The following PMVK variants were observed in gnomAD, a reference collection of about 807,000 sequenced individuals.
PMVK encodes the protein phosphomevalonate kinase.
PMVK carries 10 observed loss-of-function variants against 19.0 expected under a neutral mutation model. That is an observed-to-expected ratio of 0.53 (90% CI 0.32 to 0.89). PMVK has a LOEUF of 0.89. PMVK is among the 40% of genes least tolerant of loss of function. The pLI, the probability that PMVK is intolerant of heterozygous loss-of-function variation, is 0.03. For missense variants in PMVK, 222 were observed against 251.1 expected (o/e 0.88, Z 0.78); for synonymous variants, 108 against 101.6 (o/e 1.06, Z -0.38).
At chr1:154,942,165 C>G in the PMVK span, among the ~76,000 whole-genome samples, 1 of 152,144 alleles carries the variant, frequency 6.6e-6, no homozygotes, top group Non-Finnish European at 1.5e-5. Flanking sequence ...GAGCTCCCAG[C>G]GGAAAAGGCA....
upstream of PMVK, among the ~76,000 whole-genome samples, chr1:154,939,290 C>T (rs1654592107): frequency 1.3e-5 from 2 of 152,172 alleles, no homozygotes; most frequent in Non-Finnish European, 2.9e-5. Flanking sequence ...GTCACTTGCT[C>T]AAATACTCCC....
Position 154,932,376 on chromosome 1 carries a change from A to C in PMVK, c.135T>G (p.Gly45=). ...CCTGAGCATACTGTTCCTTGAGTGG[A>C]CCAGAGAGCCGGAGGACAGCACAGA... ...ADVCAVLRLS[G]PLKEQYAQEH... The change falls in exon 2 of 5, where the codon GGT becomes GGG. Residue 45 remains glycine, a synonymous_variant. Transcript: ENST00000368467. 6.2e-7 allele frequency: 1 copy of C among 1,613,322 alleles called. No homozygotes were observed. The highest frequency in any genetic ancestry group is 1.1e-5 in the South Asian group (1 of 91,054).
chr1:154,932,743 A>T (rs1395806078), intron 1 of PMVK, among the ~76,000 whole-genome samples: 1 of 152,230 alleles, frequency 6.6e-6, no homozygotes, highest in Non-Finnish European at 1.5e-5. Flanking sequence ...CAGACCCTAA[A>T]CTAATTCTCT....
chr1:154,941,592 A>G (rs1023097818), upstream of PMVK, among the ~76,000 whole-genome samples: 2 of 152,098 alleles, frequency 1.3e-5, no homozygotes, highest in African/African-American at 4.8e-5. Flanking sequence ...CCATGGCAAC[A>G]GCCAGCCAGT....
intron 1 of PMVK, among the ~76,000 whole-genome samples, chr1:154,933,149 C>CA (rs1654388313): frequency 6.6e-6 from 1 of 152,022 alleles, no homozygotes; most frequent in South Asian, 2.1e-4. Context: ...AAAACTGAAA[C>CA]AAAAGCCAGG....
rs986284215 is a variant in PMVK at position 154,934,303 on chromosome 1, G to C, written c.96-1888C>G. 4.6e-5 allele frequency among the ~76,000 whole-genome samples: 7 copies of C among 152,106 alleles called. No individual in the cohort carries two copies. In the East Asian group the frequency reaches 1.3e-3, roughly 29 times the overall value. ...CGTGAGCCACTGCGCCCAACGATAA[G>C]TGTTCTTTGTTTTGTTTTGGTTTGG... On this transcript the variant is annotated intron_variant, in intron 1 of 4. Transcript: ENST00000368467.
At chr1:154,939,137 C>G (rs1446226472), upstream of PMVK, among the ~76,000 whole-genome samples, 1 of 152,180 alleles carries the variant, frequency 6.6e-6, no homozygotes, top group Non-Finnish European at 1.5e-5. Context: ...CCCCGCTGCT[C>G]AATCCCTTGG....
chr1:154,937,344 A>AT (rs1291743505), upstream of PMVK: 3 of 152,300 alleles, frequency 2.0e-5, no homozygotes, highest in Non-Finnish European at 4.4e-5. Context: ...TGTCAAGCAG[A>AT]TTTTATAACC....
chr1:154,928,993 T>G (rs766495613), intron 3 of PMVK, 31 bp downstream of exon 3: 43 of 1,599,502 alleles, frequency 2.7e-5, no homozygotes, highest in African/African-American at 5.4e-5. Flanking sequence ...GGGAAACAGG[T>G]GTTCTTCATG....
In PMVK at chr1:154,933,570, T is replaced by C. The variant is rs185962125; in HGVS notation, c.96-1155A>G. Reference sequence around the variant, plus strand: ...GTGCAATGGCGCGATCTCGGCTCACTGCAATCTCCGCCTCCCAGGTTTGAG... The same window carrying C: ...GTGCAATGGCGCGATCTCGGCTCACCGCAATCTCCGCCTCCCAGGTTTGAG... On this transcript the variant is annotated intron_variant, in intron 1 of 4. Transcript: ENST00000368467. Among the ~76,000 whole-genome samples the C allele has an allele frequency of 1.8e-3, 242 of 133,072 alleles. 1 individual carries two copies. Among genetic ancestry groups the C allele is most frequent in the Non-Finnish European group, 3.0e-3 (193 of 63,550 alleles). 87.3% of individuals were successfully genotyped at this position (133,072 alleles called of 152,430 possible).
chr1:154,935,058 C>CAA lies in PMVK; in HGVS notation c.95+1531_95+1532dup, dbSNP rs569402578. On this transcript the variant is annotated intron_variant, in intron 1 of 4. Transcript: ENST00000368467. ...TGGGTGACAGAGCAAGACTCCGTCT[C>CAA]AAAAAAAAAAAAAAAAAAAAAAAAA... is the stretch of plus-strand genomic sequence containing the variant. 3.0e-3 allele frequency among the ~76,000 whole-genome samples: 67 copies of CAA among 22,256 alleles called. 5 individuals carry two copies. Among genetic ancestry groups the CAA allele is most frequent in the Non-Finnish European group, 4.9e-3 (38 of 7,768 alleles). 14.6% of individuals were successfully genotyped at this position (22,256 alleles called of 152,430 possible). A position where few individuals can be genotyped will look rare whatever the true frequency, so the allele number is the denominator to read the frequency against.
chr1:154,942,327 G>A, the PMVK span, among the ~76,000 whole-genome samples: 3 of 152,240 alleles, frequency 2.0e-5, no homozygotes, highest in Non-Finnish European at 2.9e-5. Flanking sequence ...AAGGCCTGTG[G>A]GAAGGAGGGA....
In PMVK at chr1:154,932,357, C is replaced by A. The variant is rs151098167; in HGVS notation, c.154G>T (p.Ala52Ser). 1,029 of 1,612,602 alleles carry A rather than the reference C, an allele frequency of 6.4e-4. 9 individuals carry two copies. In the African/African-American group the frequency reaches 0.01, roughly 16 times the overall value. ...RLSGPLKEQY[A>S]QEHGLNFQRL... ...TGCCACAAAGCACCACCTACCTGAG[C>A]ATACTGTTCCTTGAGTGGACCAGAG... Residue 52 changes from alanine to serine, a missense_variant, in exon 2 of 5, where the codon GCT (alanine) becomes TCT (serine). Ala to Ser is a moderately conservative substitution (Grantham distance 99, BLOSUM62 1). Transcript: ENST00000368467.
At chr1:154,939,124 A>G (rs965254050), upstream of PMVK, among the ~76,000 whole-genome samples, 1 of 152,046 alleles carries the variant, frequency 6.6e-6, no homozygotes, top group Non-Finnish European at 1.5e-5. Flanking sequence ...AGCCCATCCA[A>G]CACCCCGCTG....
chr1:154,932,288 C>T (rs1654359019), intron 2 of PMVK, 64 bp downstream of exon 2: 3 of 1,180,090 alleles, frequency 2.5e-6, no homozygotes, highest in Non-Finnish European at 3.8e-6. Flanking sequence ...AGGCAGCAGC[C>T]ACAGCTCCAA....
intron 1 of PMVK, among the ~76,000 whole-genome samples, chr1:154,932,834 C>T (rs116448674): frequency 0.029 from 4,376 of 152,308 alleles, 107 homozygotes; most frequent in Middle Eastern, 0.054. Context: ...GGCATGGTGG[C>T]TCACACCTGT....
At chr1:154,936,462 C>T in intron 1 of PMVK, 129 bp downstream of exon 1, 3 of 1,484,028 alleles carry the variant, frequency 2.0e-6, no homozygotes, top group Non-Finnish European at 2.7e-6. Context: ...CCTTCCCCAG[C>T]CCAGTGCTCC....
chr1:154,936,298 T>C lies in PMVK; in HGVS notation c.95+293A>G, dbSNP rs567358910. On this transcript the variant is annotated intron_variant, in intron 1 of 4. Coordinates refer to ENST00000368467, the MANE Select transcript of PMVK (RefSeq NM_006556.4). ...GGTCTCGCCATGTTGCCCAGGCTGG[T>C]ATCCAACGCCTGGTATATAGAAAGT... is the stretch of plus-strand genomic sequence containing the variant. The C allele has an allele frequency of 4.1e-4, 284 of 689,324 alleles. 2 individuals carry two copies. The African/African-American group carries it at 5.2e-3, about 13-fold the overall frequency. The allele number at this position is 689,324 out of a possible 1,614,324, so 42.7% of individuals were successfully genotyped here.
chr1:154,936,951 C>G, upstream of PMVK: 4 of 482,334 alleles, frequency 8.3e-6, no homozygotes, highest in Non-Finnish European at 1.2e-5. Flanking sequence ...GCTCCCCCAC[C>G]CGAACTCACT....
Sources: allele counts gnomAD v4.1 joint callset (sites outside exome capture counted in the v4.1 genomes callset), GRCh38; gene constraint gnomAD v4.1.1; transcripts MANE v1.5; gene names NCBI Gene and HGNC (gene_info 2026-07-23, HGNC 2026-07-21).